RRM2B: variants seen among roughly 807,000 people sequenced by gnomAD.
The protein encoded by RRM2B is ribonucleotide reductase regulatory TP53 inducible subunit M2B.
RRM2B carries 20 observed loss-of-function variants against 45.9 expected under a neutral mutation model. That is an observed-to-expected ratio of 0.44 (90% CI 0.31 to 0.63). RRM2B has a LOEUF of 0.63. Ranked by LOEUF, RRM2B falls within the 30% of genes least tolerant of loss-of-function variation. RRM2B has a pLI of 0.09. For synonymous variants in RRM2B, 124 were observed against 132.3 expected (o/e 0.94, Z 0.43); for missense variants, 320 against 414.7 (o/e 0.77, Z 1.98).
chr8:102,228,539 G>A (rs192360791), intron 2 of RRM2B, among the ~76,000 whole-genome samples: 14 of 152,332 alleles, frequency 9.2e-5, no homozygotes, highest in South Asian at 6.2e-4. Context: ...CCACTGAGCC[G>A]TTAAAACTTA....
At chr8:102,218,161 A>G (rs1390044164) in intron 6 of RRM2B, among the ~76,000 whole-genome samples, 1 of 152,184 alleles carries the variant, frequency 6.6e-6, no homozygotes, top group Non-Finnish European at 1.5e-5. Flanking sequence ...TCTGGGACAA[A>G]GGGTAGGTTT....
rs1810564005 is a variant in RRM2B at position 102,207,443 on chromosome 8, A to ACCTAC, written c.*689_*690insGTAGG. On this transcript the variant is annotated 3_prime_UTR_variant, in exon 9 of 9. Coordinates refer to ENST00000251810, the MANE Select transcript of RRM2B (RefSeq NM_015713.5). ...ATAACCTCCTGGTTTCCACTCCATA[A>ACCTAC]GTAGGCTTCCCAAAGCAACTAACAA... 6.6e-6 allele frequency: 1 copy of ACCTAC among 152,210 alleles called. No individual in the cohort carries two copies. The highest frequency in any genetic ancestry group is 2.4e-5 in the African/African-American group (1 of 41,452). 9.4% of individuals were successfully genotyped at this position (152,210 alleles called of 1,614,324 possible).
In RRM2B at chr8:102,215,776, G is replaced by A. The variant is rs543296805; in HGVS notation, c.685-1618C>T. On this transcript the variant is annotated intron_variant, in intron 6 of 8. Coordinates refer to ENST00000251810, the MANE Select transcript of RRM2B (RefSeq NM_015713.5). ...CCTGGGCAACACAGTGAGACCCTGC[G>A]TCTACAAAACTTTTTTAATTAACTG... 2.0e-4 allele frequency among the ~76,000 whole-genome samples: 30 copies of A among 151,694 alleles called. 1 individual carries two copies. The highest frequency in any genetic ancestry group is 4.8e-4 in the African/African-American group (20 of 41,332).
chr8:102,208,415 C>A (rs1270752093), intron 8 of RRM2B, 130 bp from the exon 9 acceptor site: 3 of 712,286 alleles, frequency 4.2e-6, no homozygotes, highest in Admixed American at 4.6e-5. Context: ...TCATATCATT[C>A]CCCTAAGACC....
chr8:102,205,327 T>C lies in RRM2B; in HGVS notation c.*2806A>G, dbSNP rs1810525584. 1 of 152,140 alleles carries C rather than the reference T, an allele frequency of 6.6e-6. No individual in the cohort carries two copies. Among genetic ancestry groups the C allele is most frequent in the Non-Finnish European group, 1.5e-5 (1 of 67,992 alleles). 9.4% of individuals were successfully genotyped at this position (152,140 alleles called of 1,614,324 possible). A position where few individuals can be genotyped will look rare whatever the true frequency, so the allele number is the denominator to read the frequency against. ...TATGCAAACTGCTACATTTTCTCAA[T>C]AATCAATTCATGCACAAATAAAAAA... On this transcript the variant is annotated 3_prime_UTR_variant, in exon 9 of 9. Coordinates refer to ENST00000251810, the MANE Select transcript of RRM2B (RefSeq NM_015713.5).
intron 5 of RRM2B, among the ~76,000 whole-genome samples, chr8:102,223,524 T>C (rs1810870395): frequency 6.6e-6 from 1 of 151,784 alleles, no homozygotes; most frequent in Non-Finnish European, 1.5e-5. Context: ...AAAACCCCCA[T>C]CTCTATTAAA....
At chr8:102,228,326 A>T (rs1810969856) in intron 2 of RRM2B, among the ~76,000 whole-genome samples, 1 of 152,134 alleles carries the variant, frequency 6.6e-6, no homozygotes, top group Admixed American at 6.5e-5. Context: ...TCCCCTTTCC[A>T]GCTCCTCTTC....
chr8:102,227,150 C>G (rs1810945842), intron 2 of RRM2B, among the ~76,000 whole-genome samples: 1 of 151,348 alleles, frequency 6.6e-6, no homozygotes. Context: ...AGGTGGCCAA[C>G]AACCCAGTTT....
chr8:102,229,759 A>T (rs1810997179), intron 2 of RRM2B, among the ~76,000 whole-genome samples: 1 of 151,868 alleles, frequency 6.6e-6, no homozygotes. Flanking sequence ...TAATTTTTGT[A>T]TTTTTACTAG....
At chr8:102,219,449 A>T (rs28928592) in intron 5 of RRM2B, among the ~76,000 whole-genome samples, 15,754 of 152,094 alleles carry the variant, frequency 0.1, 862 homozygotes, top group Middle Eastern at 0.16. Flanking sequence ...TCTGCAATTT[A>T]AAAAAAATAG....
intron 2 of RRM2B, among the ~76,000 whole-genome samples, chr8:102,229,288 C>T (rs1410584585): frequency 6.6e-6 from 1 of 151,528 alleles, no homozygotes; most frequent in Non-Finnish European, 1.5e-5. Flanking sequence ...AAAAAAAAAA[C>T]CCACAAAGCC....
At chr8:102,221,182 C>G (rs1484939397) in intron 5 of RRM2B, among the ~76,000 whole-genome samples, 4 of 152,078 alleles carry the variant, frequency 2.6e-5, no homozygotes, top group Non-Finnish European at 4.4e-5. Context: ...AATTTTTGCT[C>G]TATAGGAATT....
chr8:102,210,332 A>G (rs991435573), intron 8 of RRM2B, among the ~76,000 whole-genome samples: 12 of 152,248 alleles, frequency 7.9e-5, no homozygotes, highest in African/African-American at 2.9e-4. Flanking sequence ...GTGAAAGGGC[A>G]CTGAACCAAT....
intron 2 of RRM2B, among the ~76,000 whole-genome samples, chr8:102,231,205 C>A (rs1339251183): frequency 6.6e-6 from 1 of 152,232 alleles, no homozygotes; most frequent in African/African-American, 2.4e-5. Context: ...ACTGTCCTTA[C>A]CAACCAGCAA....
In RRM2B at chr8:102,205,333, A is replaced by T; in HGVS notation, c.*2800T>A. The T allele has an allele frequency of 6.6e-6, 1 of 152,218 alleles. No homozygotes were observed. Among genetic ancestry groups the T allele is most frequent in the Admixed American group, 6.5e-5 (1 of 15,276 alleles). 9.4% of individuals were successfully genotyped at this position (152,218 alleles called of 1,614,324 possible). On this transcript the variant is annotated 3_prime_UTR_variant, in exon 9 of 9. Coordinates refer to ENST00000251810, the MANE Select transcript of RRM2B (RefSeq NM_015713.5). ...AACTGCTACATTTTCTCAATAATCAATTCATGCACAAATAAAAAATGGCAA... is the reference window on the plus strand; with the variant it reads ...AACTGCTACATTTTCTCAATAATCATTTCATGCACAAATAAAAAATGGCAA...
At chr8:102,234,298 T>C (rs756047432) in intron 1 of RRM2B, among the ~76,000 whole-genome samples, 2 of 152,208 alleles carry the variant, frequency 1.3e-5, no homozygotes, top group Admixed American at 6.5e-5. Context: ...TGATAACCTG[T>C]AGACTATTAA....
chr8:102,208,606 T>C (rs1810583023), intron 8 of RRM2B, among the ~76,000 whole-genome samples: 1 of 152,208 alleles, frequency 6.6e-6, no homozygotes. Flanking sequence ...AGATATCCAA[T>C]ACACCATGAG....
At chr8:102,227,032 G>A (rs561568582) in intron 2 of RRM2B, among the ~76,000 whole-genome samples, 2 of 151,896 alleles carry the variant, frequency 1.3e-5, no homozygotes, top group African/African-American at 4.8e-5. Flanking sequence ...TTTTTTTAAA[G>A]AGATGGGGTC....
At chr8:102,230,052 C>T (rs1811001987) in intron 2 of RRM2B, among the ~76,000 whole-genome samples, 1 of 152,084 alleles carries the variant, frequency 6.6e-6, no homozygotes, top group Admixed American at 6.6e-5. Context: ...TGAGCAAATT[C>T]TCAATTTCAT....
Sources: gnomAD v4.1 joint callset for allele counts (sites outside exome capture counted in the v4.1 genomes callset) on GRCh38, gnomAD v4.1.1 for gene constraint, MANE v1.5 for transcripts, NCBI Gene and HGNC (gene_info 2026-07-23, HGNC 2026-07-21) for gene names.